The following CSMD2 variants were observed in gnomAD, a reference collection of about 807,000 sequenced individuals.
The protein encoded by CSMD2 is CUB and sushi domain-containing protein 2.
CSMD2 carries 130 observed loss-of-function variants against 398.5 expected under a neutral mutation model. That is an observed-to-expected ratio of 0.33 (90% CI 0.28 to 0.38). CSMD2 has a LOEUF of 0.38. Ranked by LOEUF, CSMD2 falls within the 10% of genes least tolerant of loss-of-function variation. CSMD2 has a pLI of 1.00. For synonymous variants in CSMD2, 1,828 were observed against 1,908.5 expected, an observed-to-expected ratio of 0.96 and a Z score of 1.10; for missense variants, 3,829 against 4,764.9, an observed-to-expected ratio of 0.80 and a Z score of 5.78.
At chr1:33,819,628 G>C in intron 9 of CSMD2, 85 bp downstream of exon 9, 4 of 1,287,964 alleles carry the variant, frequency 3.1e-6, no homozygotes, top group African/African-American at 1.5e-5. Context: ...TTGAGAGCCT[G>C]GGCCTCAGGT....
rs759640853 is a variant in CSMD2 at position 33,698,745 on chromosome 1, C to A, written c.3925+8G>T. ...CAAGGGTTCCCTGCAGAGGAAGAGC[C>A]CTCCTACCGACACAGGTGGGCAGAG... On this transcript the variant is annotated splice_region_variant and intron_variant, in intron 24 of 70. Transcript: ENST00000373381. 2 of 1,607,608 alleles carry A rather than the reference C, an allele frequency of 1.2e-6. No homozygotes were observed. Among genetic ancestry groups the A allele is most frequent in the East Asian group, 2.2e-5 (1 of 44,798 alleles).
intron 1 of CSMD2, among the ~76,000 whole-genome samples, chr1:34,100,104 C>A (rs1309204006): frequency 1.3e-5 from 2 of 152,110 alleles, no homozygotes; most frequent in East Asian, 3.9e-4. Flanking sequence ...TTTTTCCATG[C>A]ATATTTCACA....
chr1:33,567,797 C>A lies in CSMD2; in HGVS notation c.8176G>T (p.Asp2726Tyr), dbSNP rs758923333. The A allele has an allele frequency of 1.1e-5, 18 of 1,609,602 alleles. No homozygotes were observed. Among genetic ancestry groups the A allele is most frequent in the Non-Finnish European group, 1.4e-5 (17 of 1,177,756 alleles). ...GTGAGGGATGGGGAAGAGAGTACAT[C>A]GAAGAGGAGCTTATAGAAAATGGAG... ...LHSIFYKLLF[D>Y]VLSSPSLTKA... The change falls in exon 53 of 71, where the codon GAT (aspartate) becomes TAT (tyrosine). Residue 2726 changes from aspartate (D) to tyrosine (Y), a missense_variant. Coordinates refer to ENST00000373381, the MANE Select transcript of CSMD2 (RefSeq NM_001281956.2).
At chr1:33,707,152 T>A (rs757953421) in intron 22 of CSMD2, among the ~76,000 whole-genome samples, 2 of 152,174 alleles carry the variant, frequency 1.3e-5, no homozygotes, top group Non-Finnish European at 2.9e-5. Context: ...TGAGGAAGCA[T>A]GGGCACTGGC....
chr1:33,856,669 G>A (rs150242702), intron 5 of CSMD2, among the ~76,000 whole-genome samples: 1 of 152,182 alleles, frequency 6.6e-6, no homozygotes, highest in East Asian at 1.9e-4. Flanking sequence ...GCAGCTAGTG[G>A]TCCCTGCCAG....
chr1:33,961,503 A>G (rs141765708), intron 3 of CSMD2, among the ~76,000 whole-genome samples: 1 of 152,346 alleles, frequency 6.6e-6, no homozygotes, highest in East Asian at 1.9e-4. Flanking sequence ...GGAATCAGAT[A>G]GGCCTGGGCA....
At chr1:33,965,620 A>G (rs1269934195) in intron 3 of CSMD2, among the ~76,000 whole-genome samples, 1 of 152,218 alleles carries the variant, frequency 6.6e-6, no homozygotes, top group Non-Finnish European at 1.5e-5. Context: ...TCTAGGCACA[A>G]CAACCCTCTA....
At chr1:33,702,746 T>G (rs1214145073) in intron 22 of CSMD2, among the ~76,000 whole-genome samples, 1 of 152,190 alleles carries the variant, frequency 6.6e-6, no homozygotes, top group African/African-American at 2.4e-5. Context: ...GCAAGATAAT[T>G]ATTTACATAT....
At chr1:33,696,838 C>T (rs1645435330) in intron 24 of CSMD2, among the ~76,000 whole-genome samples, 1 of 152,158 alleles carries the variant, frequency 6.6e-6, no homozygotes, top group African/African-American at 2.4e-5. Context: ...TCTTCCCACC[C>T]TTGAGTCTTG....
intron 4 of CSMD2, among the ~76,000 whole-genome samples, chr1:33,934,564 A>G (rs1403773481): frequency 6.6e-6 from 1 of 152,208 alleles, no homozygotes; most frequent in Non-Finnish European, 1.5e-5. Context: ...CATAATCTCA[A>G]TTTATGTACA....
At position 33,619,679 on chromosome 1, in the gene CSMD2, T is replaced by C. The variant is rs78218039; in HGVS notation, c.5828-2062A>G. Among the ~76,000 whole-genome samples, 64 of 152,346 alleles carry C rather than the reference T, an allele frequency of 4.2e-4. No individual in the cohort carries two copies. The East Asian group carries it at 0.012, about 29-fold the overall frequency. On this transcript the variant is annotated intron_variant, in intron 37 of 70. Coordinates refer to ENST00000373381, the MANE Select transcript of CSMD2 (RefSeq NM_001281956.2). ...AAACCACAGAACGTTGCTATCACTC[T>C]GGAAATTCCTCACACTTTTCCCAGG...
Position 33,935,743 on chromosome 1 carries a change from C to A in CSMD2, c.712+17G>T, listed in dbSNP as rs2125327476. On this transcript the variant is annotated intron_variant, in intron 4 of 70. Coordinates refer to ENST00000373381, the MANE Select transcript of CSMD2 (RefSeq NM_001281956.2). ...AGCCACTGCCCCACTCTGTCAGACC[C>A]CTTGCTGGCCACCTACCTCTGCAGG... 2 of 1,584,958 alleles carry A rather than the reference C, an allele frequency of 1.3e-6. No homozygotes were observed. Among genetic ancestry groups the A allele is most frequent in the Non-Finnish European group, 1.7e-6 (2 of 1,166,692 alleles).
intron 25 of CSMD2, among the ~76,000 whole-genome samples, chr1:33,678,784 T>G (rs1644805673): frequency 6.6e-6 from 1 of 152,100 alleles, no homozygotes; most frequent in Non-Finnish European, 1.5e-5. Flanking sequence ...AAAGCCCAAA[T>G]CCAGCATTGG....
chr1:34,007,116 T>A (rs1349919679), intron 3 of CSMD2, among the ~76,000 whole-genome samples: 1 of 152,036 alleles, frequency 6.6e-6, no homozygotes, highest in Non-Finnish European at 1.5e-5. Context: ...AGTCCAGAAT[T>A]GCATCCAAGA....
intron 3 of CSMD2, among the ~76,000 whole-genome samples, chr1:33,975,287 C>A (rs1645917049): frequency 6.6e-6 from 1 of 152,204 alleles, no homozygotes; most frequent in Admixed American, 6.5e-5. Flanking sequence ...ACTGTAATCA[C>A]AAGGGCTCCT....
chr1:33,772,795 T>C (rs1259051196), intron 12 of CSMD2, 44 bp from the exon 13 acceptor site: 3 of 1,554,418 alleles, frequency 1.9e-6, no homozygotes, highest in Admixed American at 1.7e-5. Context: ...AAGGTGACTT[T>C]ATACCTCTTT....
At chr1:34,015,165 T>C (rs1647906467) in intron 3 of CSMD2, among the ~76,000 whole-genome samples, 3 of 152,220 alleles carry the variant, frequency 2.0e-5, no homozygotes, top group Non-Finnish European at 2.9e-5. Flanking sequence ...CCCAGGTGCA[T>C]GTACCCACAT....
chr1:33,760,799 T>A (rs1408362434), intron 13 of CSMD2, among the ~76,000 whole-genome samples: 1 of 152,146 alleles, frequency 6.6e-6, no homozygotes. Flanking sequence ...ACTCTGCTGC[T>A]GATGGCTGTC....
intron 25 of CSMD2, among the ~76,000 whole-genome samples, chr1:33,678,483 C>T (rs1644795736): frequency 6.6e-6 from 1 of 152,068 alleles, no homozygotes; most frequent in Non-Finnish European, 1.5e-5. Flanking sequence ...AAACCCATCG[C>T]TGATGTGAGT....
Sources: gnomAD v4.1 joint callset for allele counts (sites outside exome capture counted in the v4.1 genomes callset) on GRCh38, gnomAD v4.1.1 for gene constraint, MANE v1.5 for transcripts, NCBI Gene and HGNC (gene_info 2026-07-23, HGNC 2026-07-21) for gene names.